PDE4B: variants seen among roughly 807,000 people sequenced by gnomAD.
PDE4B encodes the protein 3',5'-cyclic-AMP phosphodiesterase 4B.
A neutral mutation model predicts 82.2 loss-of-function variants in PDE4B; 20 were observed. That is an observed-to-expected ratio of 0.24 (90% CI 0.17 to 0.35). The LOEUF (loss-of-function observed/expected upper bound fraction) is 0.35. PDE4B is among the 10% of genes least tolerant of loss of function. PDE4B has a pLI of 1.00. For synonymous variants in PDE4B, 320 were observed against 318.9 expected (o/e 1.00, Z -0.04); for missense variants, 655 against 907.2 (o/e 0.72, Z 3.57).
chr1:66,372,620 C>T lies in PDE4B; in HGVS notation c.2153C>T (p.Ser718Phe). 1 of 1,614,004 alleles carries T rather than the reference C, an allele frequency of 6.2e-7. No individual in the cohort carries two copies. The highest frequency in any genetic ancestry group is 8.5e-7 in the Non-Finnish European group (1 of 1,179,884). ...GTGATTGATCCAGAAAACAGAGATT[C>T]CCTGGGAGAGACTGACATAGACATT... is the stretch of plus-strand genomic sequence containing the variant. Reference protein sequence around the residue: ...LCVIDPENRDSLGETDIDIAT... With the variant: ...LCVIDPENRDFLGETDIDIAT... The change falls in exon 17 of 17, where the codon TCC becomes TTC. Residue 718 changes from serine (S) to phenylalanine (F), a missense_variant. Ser to Phe is a radical substitution (Grantham distance 155). Transcript: ENST00000341517.
intron 3 of PDE4B, among the ~76,000 whole-genome samples, chr1:66,000,438 G>C (rs1019321869): frequency 6.6e-6 from 1 of 151,590 alleles, no homozygotes; most frequent in African/African-American, 2.4e-5. Context: ...GCAGAGTGAG[G>C]AAATTGCAAG....
intron 3 of PDE4B, among the ~76,000 whole-genome samples, chr1:65,933,786 T>C (rs1395018373): frequency 6.6e-6 from 1 of 152,080 alleles, no homozygotes; most frequent in Non-Finnish European, 1.5e-5. Context: ...CACAAGAAAG[T>C]GAAACTTGGT....
chr1:66,006,452 G>C (rs1419083409), intron 3 of PDE4B, among the ~76,000 whole-genome samples: 1 of 152,136 alleles, frequency 6.6e-6, no homozygotes, highest in Non-Finnish European at 1.5e-5. Flanking sequence ...AGTGTTAAGA[G>C]TATATCAGTA....
intron 3 of PDE4B, among the ~76,000 whole-genome samples, chr1:66,013,395 G>A (rs938737745): frequency 2.0e-5 from 3 of 152,084 alleles, no homozygotes; most frequent in African/African-American, 7.2e-5. Flanking sequence ...CTTCTAAGAT[G>A]ATGCTTTGGA....
intron 1 of PDE4B, among the ~76,000 whole-genome samples, chr1:65,833,843 A>G (rs1000592309): frequency 6.6e-6 from 1 of 152,230 alleles, no homozygotes; most frequent in African/African-American, 2.4e-5. Flanking sequence ...CAAATTATTT[A>G]AACTTACAAT....
At chr1:65,853,824 G>C in intron 1 of PDE4B, among the ~76,000 whole-genome samples, 1 of 152,106 alleles carries the variant, frequency 6.6e-6, no homozygotes. Context: ...CACCGCGCCT[G>C]GCTGATTTAC....
chr1:66,052,516 G>C (rs1314828202), intron 3 of PDE4B, among the ~76,000 whole-genome samples: 1 of 150,938 alleles, frequency 6.6e-6, no homozygotes, highest in Non-Finnish European at 1.5e-5. Flanking sequence ...AACACAAGAA[G>C]TCCTACTACT....
At chr1:66,331,274 A>G (rs1660087142) in intron 7 of PDE4B, among the ~76,000 whole-genome samples, 1 of 152,226 alleles carries the variant, frequency 6.6e-6, no homozygotes, top group Non-Finnish European at 1.5e-5. Context: ...ACATTTTATT[A>G]GTGCCTATTG....
chr1:65,798,009 A>AATTT (rs901945645), intron 1 of PDE4B, among the ~76,000 whole-genome samples: 47 of 151,932 alleles, frequency 3.1e-4, no homozygotes, highest in Admixed American at 1.5e-3. Context: ...AATGTTTAAA[A>AATTT]ATTTATTTAT....
intron 3 of PDE4B, among the ~76,000 whole-genome samples, chr1:66,015,414 T>C (rs1408076479): frequency 6.6e-6 from 1 of 152,148 alleles, no homozygotes; most frequent in Non-Finnish European, 1.5e-5. Flanking sequence ...TGTTTAAAAT[T>C]CCAGAGCTTG....
Position 65,895,307 on chromosome 1 carries a change from T to C in PDE4B, c.-70-17938T>C, listed in dbSNP as rs564824875. Among the ~76,000 whole-genome samples, 119 of 152,196 alleles carry C rather than the reference T, an allele frequency of 7.8e-4. 1 individual carries two copies. The highest frequency in any genetic ancestry group is 2.6e-3 in the Admixed American group (40 of 15,264). On this transcript the variant is annotated intron_variant, in intron 1 of 16. Coordinates refer to ENST00000341517, the MANE Select transcript of PDE4B (RefSeq NM_002600.4). ...GCTCACACCTGTAATACCAGCACTTTGGGGGGCCGAAACAGGTGAATCACC... is the reference window on the plus strand; with the variant it reads ...GCTCACACCTGTAATACCAGCACTTCGGGGGGCCGAAACAGGTGAATCACC...
intron 3 of PDE4B, among the ~76,000 whole-genome samples, chr1:66,091,647 A>G (rs1247490346): frequency 2.0e-5 from 3 of 152,096 alleles, no homozygotes; most frequent in African/African-American, 7.2e-5. Flanking sequence ...AAAAAATTAC[A>G]TGAGAGGTCA....
intron 1 of PDE4B, among the ~76,000 whole-genome samples, chr1:65,888,372 A>G (rs1646815358): frequency 6.6e-6 from 1 of 152,178 alleles, no homozygotes; most frequent in African/African-American, 2.4e-5. Context: ...TTTTGAAGTC[A>G]GGTAATGTGG....
At chr1:66,353,939 C>T (rs1662030111) in intron 8 of PDE4B, among the ~76,000 whole-genome samples, 2 of 152,200 alleles carry the variant, frequency 1.3e-5, no homozygotes, top group Middle Eastern at 3.4e-3. Context: ...ATACATTTGT[C>T]GAATGCAATC....
intron 1 of PDE4B, among the ~76,000 whole-genome samples, chr1:65,803,735 A>G (rs1557755291): frequency 6.6e-6 from 1 of 152,208 alleles, no homozygotes. Flanking sequence ...TTCCAATGCC[A>G]TATCTTGGAA....
At chr1:65,880,668 G>A (rs1006620598) in intron 1 of PDE4B, among the ~76,000 whole-genome samples, 2 of 151,742 alleles carry the variant, frequency 1.3e-5, no homozygotes, top group African/African-American at 2.4e-5. Context: ...AGCAGACACC[G>A]GATCTACCAG....
At chr1:66,363,644 G>T in intron 12 of PDE4B, 73 bp downstream of exon 12, 1 of 1,260,988 alleles carries the variant, frequency 7.9e-7, no homozygotes, top group South Asian at 1.4e-5. Flanking sequence ...GGATGTAGTA[G>T]CATGTGCCTG....
intron 3 of PDE4B, among the ~76,000 whole-genome samples, chr1:66,066,676 C>A (rs1437516309): frequency 6.6e-6 from 1 of 151,870 alleles, no homozygotes. Context: ...GTTTCATGTT[C>A]ATTTCTGCTT....
intron 16 of PDE4B, among the ~76,000 whole-genome samples, chr1:66,371,128 AT>A (rs2050759406): frequency 8.2e-6 from 1 of 121,476 alleles, no homozygotes; most frequent in African/African-American, 3.4e-5. Context: ...ATATATATAT[AT>A]ATATAATTTT....
Sources: allele counts gnomAD v4.1 joint callset (sites outside exome capture counted in the v4.1 genomes callset), GRCh38; gene constraint gnomAD v4.1.1; transcripts MANE v1.5; gene names NCBI Gene and HGNC (gene_info 2026-07-23, HGNC 2026-07-21).